The following MTUS1 variants were observed in gnomAD, a reference collection of about 807,000 sequenced individuals.
The protein encoded by MTUS1 is microtubule-associated tumor suppressor 1.
A neutral mutation model predicts 120.8 loss-of-function variants in MTUS1; 109 were observed. That is an observed-to-expected ratio of 0.90 (90% CI 0.77 to 1.06). MTUS1 has a LOEUF of 1.06. Among genes scored for constraint, MTUS1 ranks in the 50% least tolerant of loss-of-function variants. The pLI is 0.00. For missense variants in MTUS1, 2,210 were observed against 1,486.3 expected (o/e 1.49, Z -8.01); for synonymous variants, 737 against 550.5 (o/e 1.34, Z -4.74).
chr8:17,728,620 T>G (rs974777179), intron 3 of MTUS1, among the ~76,000 whole-genome samples: 1 of 152,236 alleles, frequency 6.6e-6, no homozygotes, highest in Non-Finnish European at 1.5e-5. Flanking sequence ...ATAAGGTATG[T>G]TGTTCTGTAG....
Position 17,690,470 on chromosome 8 carries a change from G to A in MTUS1, c.2624-5928C>T, listed in dbSNP as rs1450824717. ...ATTAGTACAATCTCTATGGAAAACA[G>A]TATGGAGATTCCTCAAAGAACTAAA... On this transcript the variant is annotated intron_variant, in intron 6 of 14. Coordinates refer to ENST00000693296, the MANE Select transcript of MTUS1 (RefSeq NM_001363059.2). Among the ~76,000 whole-genome samples the A allele has an allele frequency of 3.9e-5, 6 of 152,272 alleles. 1 individual carries two copies. In the Middle Eastern group the frequency reaches 0.014, roughly 345 times the overall value.
chr8:17,760,324 A>G (rs1286844542), intron 1 of MTUS1, among the ~76,000 whole-genome samples: 1 of 152,204 alleles, frequency 6.6e-6, no homozygotes, highest in Non-Finnish European at 1.5e-5. Context: ...TATATAAAAT[A>G]AATTTACTGA....
At chr8:17,673,387 A>G (rs1328371048) in intron 8 of MTUS1, among the ~76,000 whole-genome samples, 1 of 152,168 alleles carries the variant, frequency 6.6e-6, no homozygotes, top group African/African-American at 2.4e-5. Flanking sequence ...TTGGCTAGGT[A>G]TTAAGAATCT....
chr8:17,742,270 T>C (rs2979785), intron 3 of MTUS1, among the ~76,000 whole-genome samples: 2 of 111,938 alleles, frequency 1.8e-5, no homozygotes, highest in Non-Finnish European at 1.8e-5. Flanking sequence ...TGCCCAGCTG[T>C]TTTTTTTTTT....
chr8:17,683,257 G>A (rs185332825), intron 7 of MTUS1, among the ~76,000 whole-genome samples: 35 of 152,246 alleles, frequency 2.3e-4, no homozygotes, highest in African/African-American at 7.5e-4. Context: ...GGGCGACAGA[G>A]TGAGAGTCTG....
chr8:17,665,037 G>C (rs1487004710), intron 8 of MTUS1, among the ~76,000 whole-genome samples: 1 of 152,184 alleles, frequency 6.6e-6, no homozygotes, highest in Non-Finnish European at 1.5e-5. Context: ...GTATAGATTG[G>C]TGATAGTAAA....
chr8:17,716,280 C>G (rs970482839), intron 4 of MTUS1, among the ~76,000 whole-genome samples: 1 of 152,152 alleles, frequency 6.6e-6, no homozygotes, highest in African/African-American at 2.4e-5. Context: ...AGAATTCGCA[C>G]AGTCAGCTAG....
intron 3 of MTUS1, among the ~76,000 whole-genome samples, chr8:17,724,525 C>T (rs866798732): frequency 2.0e-5 from 3 of 151,986 alleles, no homozygotes; most frequent in South Asian, 4.2e-4. Context: ...TCTTTACTCC[C>T]CACACAGTTT....
intron 1 of MTUS1, among the ~76,000 whole-genome samples, chr8:17,765,273 C>G (rs941923486): frequency 6.6e-6 from 1 of 152,148 alleles, no homozygotes; most frequent in African/African-American, 2.4e-5. Flanking sequence ...TCCTGCTGTG[C>G]AGCCCTGTTC....
chr8:17,659,627 G>A (rs576119570), intron 8 of MTUS1, among the ~76,000 whole-genome samples: 1 of 152,228 alleles, frequency 6.6e-6, no homozygotes, highest in Non-Finnish European at 1.5e-5. Context: ...GAACCCGGGA[G>A]GCAGAGGTTA....
At chr8:17,762,558 A>G (rs1185643922) in intron 1 of MTUS1, among the ~76,000 whole-genome samples, 1 of 152,200 alleles carries the variant, frequency 6.6e-6, no homozygotes, top group Non-Finnish European at 1.5e-5. Context: ...GTAGAGGAGT[A>G]CTTGGTGGTC....
chr8:17,655,740 A>T, intron 9 of MTUS1, 123 bp downstream of exon 9: 1 of 850,322 alleles, frequency 1.2e-6, no homozygotes, highest in Non-Finnish European at 1.9e-6. Flanking sequence ...TAAATAAACA[A>T]CAACAACATG....
chr8:17,676,865 T>G (rs73666303), intron 7 of MTUS1, among the ~76,000 whole-genome samples: 2,633 of 152,014 alleles, frequency 0.017, 70 homozygotes, highest in African/African-American at 0.06. Flanking sequence ...TTAAATGACA[T>G]TATGAAATGA....
chr8:17,771,777 C>A (rs191392846), intron 1 of MTUS1, among the ~76,000 whole-genome samples: 1 of 152,192 alleles, frequency 6.6e-6, no homozygotes, highest in Non-Finnish European at 1.5e-5. Context: ...GAAAAGAGAT[C>A]GACTAACATG....
At chr8:17,781,312 T>C (rs944098259) in intron 1 of MTUS1, among the ~76,000 whole-genome samples, 2 of 152,246 alleles carry the variant, frequency 1.3e-5, no homozygotes, top group Non-Finnish European at 2.9e-5. Flanking sequence ...ATACAATTTG[T>C]ACCACATTGT....
At position 17,657,089 on chromosome 8, in the gene MTUS1, G is replaced by A. The variant is rs543504762; in HGVS notation, c.2906-1024C>T. ...AAAAAAAAAAAAAAAAAAGAAACAA[G>A]TGGACCTTAAACTTGTAGTTAATTT... is the stretch of plus-strand genomic sequence containing the variant. On this transcript the variant is annotated intron_variant, in intron 8 of 14. Coordinates refer to ENST00000693296, the MANE Select transcript of MTUS1 (RefSeq NM_001363059.2). 9.6e-5 allele frequency among the ~76,000 whole-genome samples: 14 copies of A among 145,094 alleles called. No homozygotes were observed. In the South Asian group the frequency reaches 2.6e-3, roughly 27 times the overall value.
At chr8:17,699,208 TTTTTTGTTTG>T (rs1254251447) in intron 6 of MTUS1, among the ~76,000 whole-genome samples, 7 of 152,256 alleles carry the variant, frequency 4.6e-5, no homozygotes, top group Admixed American at 1.3e-4. Flanking sequence ...TAAATTATCC[TTTTTTGTTTG>T]TTTTTGTTTG....
At chr8:17,769,848 TTC>T (rs973514319) in intron 1 of MTUS1, among the ~76,000 whole-genome samples, 3 of 142,086 alleles carry the variant, frequency 2.1e-5, no homozygotes, top group Non-Finnish European at 3.0e-5. Context: ...TTCAGTTTTC[TTC>T]TCTCTCTGAC....
chr8:17,653,170 A>C lies in MTUS1; in HGVS notation c.3384+16T>G. Reference sequence around the variant, plus strand: ...AAGAAAAATTCCATACTGATAAAGGAGCACACACAACTTACCAAATTTGCT... The same window carrying C: ...AAGAAAAATTCCATACTGATAAAGGCGCACACACAACTTACCAAATTTGCT... On this transcript the variant is annotated intron_variant, in intron 12 of 14. Transcript: ENST00000693296. 1 of 1,414,774 alleles carries C rather than the reference A, an allele frequency of 7.1e-7. No individual in the cohort carries two copies. The highest frequency in any genetic ancestry group is 9.6e-7 in the Non-Finnish European group (1 of 1,038,464). The allele number at this position is 1,414,774 out of a possible 1,614,324, so 87.6% of individuals were successfully genotyped here. A position where few individuals can be genotyped will look rare whatever the true frequency, so the allele number is the denominator to read the frequency against.
Sources: gnomAD v4.1 joint callset for allele counts (sites outside exome capture counted in the v4.1 genomes callset) on GRCh38, gnomAD v4.1.1 for gene constraint, MANE v1.5 for transcripts, NCBI Gene and HGNC (gene_info 2026-07-23, HGNC 2026-07-21) for gene names.